EFCAB7: variants seen among roughly 807,000 people sequenced by gnomAD.
EFCAB7 encodes the protein EF-hand calcium binding domain 7.
Under a neutral mutation model 77.1 loss-of-function variants are expected in EFCAB7, and 66 were observed. The observed-to-expected ratio is 0.86, with a 90% CI of 0.70 to 1.05. The LOEUF is 1.05. EFCAB7 is among the 50% of genes least tolerant of loss of function. EFCAB7 has a pLI of 0.00. For missense variants in EFCAB7, 638 were observed against 730.5 expected (o/e 0.87, Z 1.46); for synonymous variants, 225 against 243.3 (o/e 0.92, Z 0.70).
At chr1:63,571,381 T>A (rs1191754574) in intron 13 of EFCAB7, among the ~76,000 whole-genome samples, 2 of 152,006 alleles carry the variant, frequency 1.3e-5, no homozygotes, top group Non-Finnish European at 2.9e-5. Flanking sequence ...AAAATTAAGA[T>A]AATATCACTA....
intron 3 of EFCAB7, 31 bp downstream of exon 3, chr1:63,532,062 C>T: frequency 2.0e-6 from 3 of 1,536,432 alleles, no homozygotes; most frequent in Non-Finnish European, 2.7e-6. Flanking sequence ...TTGTAATGTG[C>T]ATATTTTCTA....
chr1:63,560,953 A>G (rs1183750716), intron 10 of EFCAB7, among the ~76,000 whole-genome samples: 1 of 152,254 alleles, frequency 6.6e-6, no homozygotes, highest in Non-Finnish European at 1.5e-5. Context: ...GATATATTAT[A>G]GATGGAAGTT....
At chr1:63,530,321 A>C (rs1479924702) in intron 2 of EFCAB7, among the ~76,000 whole-genome samples, 1 of 152,198 alleles carries the variant, frequency 6.6e-6, no homozygotes, top group African/African-American at 2.4e-5. Flanking sequence ...AGATAGTTGG[A>C]ACTATCCAAT....
chr1:63,558,012 T>G (rs1005381370), intron 10 of EFCAB7, among the ~76,000 whole-genome samples: 2 of 152,214 alleles, frequency 1.3e-5, no homozygotes, highest in African/African-American at 4.8e-5. Flanking sequence ...GGAGTCTGTT[T>G]ACCTAGACAG....
intron 5 of EFCAB7, 148 bp from the exon 6 acceptor site, chr1:63,533,947 A>G: frequency 1.2e-6 from 1 of 849,146 alleles, no homozygotes; most frequent in Non-Finnish European, 1.8e-6. Flanking sequence ...AAAGCCTGAT[A>G]AATATAAAAC....
chr1:63,544,407 T>C (rs1646870372), intron 6 of EFCAB7, among the ~76,000 whole-genome samples: 1 of 152,080 alleles, frequency 6.6e-6, no homozygotes, highest in Admixed American at 6.5e-5. Flanking sequence ...GGCATTGTTC[T>C]GTAGCTGTGA....
downstream of EFCAB7, among the ~76,000 whole-genome samples, chr1:63,576,670 T>TA (rs113046016): frequency 1.7e-3 from 233 of 138,112 alleles, 2 homozygotes; most frequent in South Asian, 0.022. Context: ...AAAATAAAAT[T>TA]AAAAAAAAAA....
chr1:63,572,499 T>A lies in EFCAB7; in HGVS notation c.1873T>A (p.Tyr625Asn), dbSNP rs1647293482. The A allele has an allele frequency of 4.6e-6, 7 of 1,507,530 alleles. No individual in the cohort carries two copies. The South Asian group carries it at 9.0e-5, about 19-fold the overall frequency. The allele number at this position is 1,507,530 out of a possible 1,614,324, so 93.4% of individuals were successfully genotyped here. Residue 625 changes from tyrosine to asparagine, a missense_variant, in exon 14 of 14, where the codon TAT becomes AAT. Transcript: ENST00000371088. ...ACAAGAATGGATATATTATTGTATA[T>A]ATTCTCTTATTTCTTAAATAATTAT... ...ERQEWIYYCI[Y>N]SLIS
At chr1:63,560,174 G>C (rs373098655) in intron 10 of EFCAB7, among the ~76,000 whole-genome samples, 8 of 151,960 alleles carry the variant, frequency 5.3e-5, no homozygotes, top group Non-Finnish European at 4.4e-5. Context: ...GGATGGTCTC[G>C]ATCTCCTGAC....
Position 63,572,478 on chromosome 1 carries a change from G to C in EFCAB7, c.1852G>C (p.Glu618Gln). The change falls in exon 14 of 14, where the codon GAA becomes CAA. Residue 618 changes from glutamate (E) to glutamine (Q), a missense_variant. Coordinates refer to ENST00000371088, the MANE Select transcript of EFCAB7 (RefSeq NM_032437.4). ...TGTAATGCCTTTGAATGAACGACAA[G>C]AATGGATATATTATTGTATATATTC... ...QHVMPLNERQ[E>Q]WIYYCIYSLI... 4 of 1,566,670 alleles carry C rather than the reference G, an allele frequency of 2.6e-6. No individual in the cohort carries two copies. The highest frequency in any genetic ancestry group is 3.5e-6 in the Non-Finnish European group (4 of 1,154,290).
At chr1:63,538,542 C>T (rs926226017) in intron 6 of EFCAB7, among the ~76,000 whole-genome samples, 5 of 152,104 alleles carry the variant, frequency 3.3e-5, no homozygotes, top group African/African-American at 1.2e-4. Flanking sequence ...CAACCTCCGC[C>T]TCCCGAGTTC....
chr1:63,581,130 G>T, the EFCAB7 span, among the ~76,000 whole-genome samples: 2 of 152,156 alleles, frequency 1.3e-5, no homozygotes, highest in South Asian at 4.1e-4. Flanking sequence ...AATGACAGTG[G>T]ATATCCTTTC....
At chr1:63,566,982 A>G (rs1345131843) in intron 11 of EFCAB7, among the ~76,000 whole-genome samples, 3 of 151,682 alleles carry the variant, frequency 2.0e-5, no homozygotes, top group Non-Finnish European at 4.4e-5. Context: ...TTATTTTCTT[A>G]AAAGATGACC....
chr1:63,566,855 T>C (rs368660870), intron 11 of EFCAB7, among the ~76,000 whole-genome samples: 3 of 149,726 alleles, frequency 2.0e-5, no homozygotes, highest in Admixed American at 6.7e-5. Context: ...ATTTTTATTA[T>C]ACAAATATTT....
intron 3 of EFCAB7, 58 bp downstream of exon 3, chr1:63,532,089 A>G: frequency 7.9e-7 from 1 of 1,263,906 alleles, no homozygotes; most frequent in South Asian, 1.3e-5. Flanking sequence ...CTTGGAATCT[A>G]GCTTTGACTA....
intron 6 of EFCAB7, among the ~76,000 whole-genome samples, chr1:63,544,924 T>TC (rs1160174729): frequency 1.3e-5 from 2 of 149,946 alleles, no homozygotes; most frequent in East Asian, 3.9e-4. Flanking sequence ...TTTCTTTCTT[T>TC]TTTTTTTTTT....
chr1:63,528,422 T>C (rs1369408159), intron 2 of EFCAB7, among the ~76,000 whole-genome samples: 1 of 152,030 alleles, frequency 6.6e-6, no homozygotes, highest in Non-Finnish European at 1.5e-5. Context: ...AAATGATGGT[T>C]ACCAGAGGCT....
At chr1:63,570,446 C>A (rs1647226986) in intron 12 of EFCAB7, 1 of 152,134 alleles carries the variant, frequency 6.6e-6, no homozygotes, top group Non-Finnish European at 1.5e-5. Context: ...CTTCTAAATA[C>A]CTCTGTTACA....
intron 8 of EFCAB7, among the ~76,000 whole-genome samples, chr1:63,553,863 T>A (rs1050183377): frequency 3.3e-5 from 5 of 151,744 alleles, no homozygotes; most frequent in African/African-American, 9.7e-5. Flanking sequence ...TATTTAGAGA[T>A]AGGGTCTCAC....
Sources: gnomAD v4.1 joint callset for allele counts (sites outside exome capture counted in the v4.1 genomes callset) on GRCh38, gnomAD v4.1.1 for gene constraint, MANE v1.5 for transcripts, NCBI Gene and HGNC (gene_info 2026-07-23, HGNC 2026-07-21) for gene names.